The following ASTL variants were observed in gnomAD, a reference collection of about 807,000 sequenced individuals.
ASTL encodes astacin like metalloendopeptidase.
In ASTL, 27 loss-of-function variants were observed where a neutral mutation model predicts 36.7. The ratio of observed to expected loss-of-function variants is 0.73; its 90% CI spans 0.54 to 1.01. ASTL has a LOEUF of 1.01. ASTL is among the 50% of genes least tolerant of loss of function. The probability of loss-of-function intolerance (pLI) is 0.00; values close to 1 mark genes in which losing one functional copy is unlikely to be tolerated. For missense variants in ASTL, 524 were observed against 572.8 expected (o/e 0.91, Z 0.87); for synonymous variants, 222 against 228.1 (o/e 0.97, Z 0.24).
rs1253630064 is a variant in ASTL, at chr2:96,123,664, C to A, written c.*186G>T. The stretch of plus-strand genomic sequence containing the variant: ...TCCCCTGTGGCAGAGCTAGAAGAAC[C>A]CCTGGCCCTAGGAGCCCTTAGGGGA... On this transcript the variant is annotated 3_prime_UTR_variant, in exon 9 of 9. Transcript: ENST00000342380. Among the ~76,000 whole-genome samples the A allele has an allele frequency of 6.6e-6, 1 of 152,176 alleles. No individual in the cohort carries two copies. The highest frequency in any genetic ancestry group is 2.4e-5 in the African/African-American group (1 of 41,430).
chr2:96,124,348 G>A lies in ASTL; in HGVS notation c.875-77C>T. 7.4e-7 allele frequency: 1 copy of A among 1,353,774 alleles called. No individual in the cohort carries two copies. Among genetic ancestry groups the A allele is most frequent in the Non-Finnish European group, 9.7e-7 (1 of 1,030,516 alleles). 83.9% of individuals were successfully genotyped at this position (1,353,774 alleles called of 1,614,324 possible). A position where few individuals can be genotyped will look rare whatever the true frequency, so the allele number is the denominator to read the frequency against. ...GGCCCAGCTGTGCGGACCCAGAGCT[G>A]GCTCAGCTCACAGGAGTGGTGCCCA... On this transcript the variant is annotated intron_variant, in intron 8 of 8. Coordinates refer to ENST00000342380, the MANE Select transcript of ASTL (RefSeq NM_001002036.4). This position sits in a 1 kb window ranked among gnomAD's most constrained non-coding sequence, Gnocchi z 4.1.
rs1682211753 is a variant in ASTL, at chr2:96,132,818, A to G, written c.456-97T>C. 1 of 1,168,792 alleles carries G rather than the reference A, an allele frequency of 8.6e-7. No homozygotes were observed. The highest frequency in any genetic ancestry group is 1.2e-6 in the Non-Finnish European group (1 of 841,868). 72.4% of individuals were successfully genotyped at this position (1,168,792 alleles called of 1,614,324 possible). A position where few individuals can be genotyped will look rare whatever the true frequency, so the allele number is the denominator to read the frequency against. ...CCTCCCCACACAACACAAGATAGACAAACTCCCAACAGGCAGGCCCCACTC... is the reference window on the plus strand; with the variant it reads ...CCTCCCCACACAACACAAGATAGACGAACTCCCAACAGGCAGGCCCCACTC... On this transcript the variant is annotated intron_variant, in intron 5 of 8. Coordinates refer to ENST00000342380, the MANE Select transcript of ASTL (RefSeq NM_001002036.4). This position sits in a 1 kb window ranked among gnomAD's most constrained non-coding sequence, Gnocchi z 5.4.
Position 96,123,979 on chromosome 2 carries a change from G to A in ASTL, c.1167C>T (p.Ala389=), listed in dbSNP as rs563654187. The A allele has an allele frequency of 9.3e-6, 15 of 1,614,004 alleles. No individual in the cohort carries two copies. Among genetic ancestry groups the A allele is most frequent in the South Asian group, 4.4e-5 (4 of 91,082 alleles). ...GGACTGTGGGCTTGGTGGACACTCC[G>A]GCCAGCCAGGACTGCTCCTGAGCAA... ...PGVAQEQSWL[A]GVSTKPTVPS... Residue 389 remains alanine, a synonymous_variant, in exon 9 of 9, where the codon GCC becomes GCT. Transcript: ENST00000342380.
chr2:96,137,822 G>T, intron 1 of ASTL, 122 bp from the exon 2 acceptor site: 2 of 1,027,100 alleles, frequency 1.9e-6, no homozygotes, highest in Non-Finnish European at 2.8e-6. Context: ...GGAAGAGTAG[G>T]CTCCAGCACA....
intron 8 of ASTL, among the ~76,000 whole-genome samples, chr2:96,126,056 C>G (rs1014044739): frequency 1.3e-5 from 2 of 152,092 alleles, no homozygotes; most frequent in African/African-American, 4.8e-5. Context: ...GGTCATATAC[C>G]TAAATGTAAA....
rs768427990 is a variant in ASTL, at chr2:96,124,223, G to A, written c.923C>T (p.Ser308Phe). ...TGRSPAPASL[S>F]LQRLLEALSA... is the part of the protein sequence containing the mutation. ...CAGTGCCTCCAAAAGCCGCTGCAGAGATAGGGAGGCCGGAGCGGGGCTCCT... is the reference window on the plus strand; with the variant it reads ...CAGTGCCTCCAAAAGCCGCTGCAGAAATAGGGAGGCCGGAGCGGGGCTCCT... The change falls in exon 9 of 9, where the codon TCT becomes TTT. Residue 308 changes from serine to phenylalanine, a missense_variant. Ser to Phe is a radical substitution (Grantham distance 155). Transcript: ENST00000342380. The surrounding 1 kb of genome is among the most constrained non-coding windows in gnomAD (Gnocchi z 4.1). The A allele has an allele frequency of 6.6e-7, 1 of 1,518,300 alleles. No individual in the cohort carries two copies. Among genetic ancestry groups the A allele is most frequent in the Non-Finnish European group, 8.8e-7 (1 of 1,135,162 alleles). 94.1% of individuals were successfully genotyped at this position (1,518,300 alleles called of 1,614,324 possible). A position where few individuals can be genotyped will look rare whatever the true frequency, so the allele number is the denominator to read the frequency against.
In ASTL at chr2:96,134,052, A is replaced by T. The variant is rs1336533794; in HGVS notation, c.250T>A (p.Phe84Ile). Residue 84 changes from phenylalanine (F) to isoleucine (I), a missense_variant, in exon 4 of 9, where the codon TTC (phenylalanine) becomes ATC (isoleucine). Coordinates refer to ENST00000342380, the MANE Select transcript of ASTL (RefSeq NM_001002036.4). Reference protein sequence around the residue: ...IEGDIIRPSPFRLLSATSNKW... With the variant: ...IEGDIIRPSPIRLLSATSNKW... ...TTGCTGGTTGCTGACAGCAGTCGGA[A>T]GGGACTCTGAGGAGAGAGCAGCAGT... The T allele has an allele frequency of 3.7e-6, 6 of 1,612,476 alleles. No homozygotes were observed. The highest frequency in any genetic ancestry group is 1.7e-5 in the Admixed American group (1 of 60,000).
intron 8 of ASTL, 71 bp downstream of exon 8, chr2:96,129,753 A>G: frequency 7.0e-7 from 1 of 1,419,918 alleles, no homozygotes; most frequent in Non-Finnish European, 9.4e-7. Context: ...CCTCCTTGTC[A>G]CCCTCCCTGA....
intron 5 of ASTL, 67 bp downstream of exon 5, chr2:96,133,358 T>C: frequency 8.9e-7 from 1 of 1,126,242 alleles, no homozygotes; most frequent in Non-Finnish European, 1.4e-6. Context: ...TTTTAGACAA[T>C]GGCCAAGTTA....
chr2:96,132,458 C>G lies in ASTL; in HGVS notation c.637+82G>C. On this transcript the variant is annotated intron_variant, in intron 6 of 8. Coordinates refer to ENST00000342380, the MANE Select transcript of ASTL (RefSeq NM_001002036.4). The surrounding 1 kb of genome is among the most constrained non-coding windows in gnomAD (Gnocchi z 5.4). ...GTGATGGGGAGGATGGATAGCCTCA[C>G]CCATGGGGACCAGGCGACTTGGGCC... The G allele has an allele frequency of 1.5e-6, 2 of 1,323,880 alleles. No homozygotes were observed. The highest frequency in any genetic ancestry group is 2.9e-5 in the South Asian group (2 of 70,110). The allele number at this position is 1,323,880 out of a possible 1,614,324, so 82.0% of individuals were successfully genotyped here.
chr2:96,132,645 C>A lies in ASTL; in HGVS notation c.532G>T (p.Gly178Cys). The A allele has an allele frequency of 6.2e-7, 1 of 1,613,682 alleles. No individual in the cohort carries two copies. The highest frequency in any genetic ancestry group is 8.5e-7 in the Non-Finnish European group (1 of 1,179,830). The change falls in exon 6 of 9, where the codon GGC (glycine) becomes TGC (cysteine). Residue 178 changes from glycine (G) to cysteine (C), a missense_variant. Coordinates refer to ENST00000342380, the MANE Select transcript of ASTL (RefSeq NM_001002036.4). This position sits in a 1 kb window ranked among gnomAD's most constrained non-coding sequence, Gnocchi z 5.4. ...TGCATGAGCTCATGAAGGACAATGC[C>A]CCGGCCCTTCTGGAGACACGTGGGC... ...LAPTCLQKGR[G>C]IVLHELMHVL... is the part of the protein sequence containing the mutation.
intron 1 of ASTL, 171 bp from the exon 2 acceptor site, chr2:96,137,871 A>G: frequency 6.3e-6 from 4 of 634,274 alleles, no homozygotes; most frequent in Non-Finnish European, 1.1e-5. Context: ...CTCAACCCCA[A>G]CTGGTGCCAA....
At chr2:96,126,461 TCA>T (rs1682065591) in intron 8 of ASTL, among the ~76,000 whole-genome samples, 1 of 152,186 alleles carries the variant, frequency 6.6e-6, no homozygotes, top group Non-Finnish European at 1.5e-5. Context: ...TACTTCACAC[TCA>T]CTAGGCTGGT....
chr2:96,134,556 C>T (rs1039842330), intron 3 of ASTL, among the ~76,000 whole-genome samples: 2 of 152,220 alleles, frequency 1.3e-5, no homozygotes, highest in Admixed American at 6.5e-5. Flanking sequence ...CCAGGCTCCA[C>T]AGCACCCCAG....
Position 96,138,500 on chromosome 2 carries a change from T to C in ASTL, c.-64A>G. 7.1e-7 allele frequency: 1 copy of C among 1,418,256 alleles called. No homozygotes were observed. Among genetic ancestry groups the C allele is most frequent in the Non-Finnish European group, 9.8e-7 (1 of 1,018,410 alleles). 87.9% of individuals were successfully genotyped at this position (1,418,256 alleles called of 1,614,324 possible). ...CCCCAGCAAGACACAGTAACCTAAT[T>C]GCAGAACCGGCACCACCACCCCCTC... On this transcript the variant is annotated 5_prime_UTR_variant, in exon 1 of 9. Coordinates refer to ENST00000342380, the MANE Select transcript of ASTL (RefSeq NM_001002036.4).
In ASTL at chr2:96,132,601, G is replaced by C. The variant is rs375008194; in HGVS notation, c.576C>G (p.His192Gln). The change falls in exon 6 of 9, where the codon CAC (histidine) becomes CAG (glutamine). Residue 192 changes from histidine (H) to glutamine (Q), a missense_variant. Physicochemically the swap from His to Gln is conservative, Grantham distance 24. Transcript: ENST00000342380. The surrounding 1 kb of genome is among the most constrained non-coding windows in gnomAD (Gnocchi z 5.4). ...HELMHVLGFW[H>Q]EHTRADRDRY... ...GGTCCCGGTCGGCCCGCGTGTGCTC[G>C]TGCCAGAAGCCCAGCACATGCATGA... 13 of 1,612,834 alleles carry C rather than the reference G, an allele frequency of 8.1e-6. No homozygotes were observed. The East Asian group carries it at 8.9e-5, about 11-fold the overall frequency.
At chr2:96,133,589 G>A in intron 4 of ASTL, 47 bp from the exon 5 acceptor site, 1 of 1,364,028 alleles carries the variant, frequency 7.3e-7, no homozygotes, top group Non-Finnish European at 1.1e-6. Flanking sequence ...GGTGGTCTTT[G>A]AGCTCTACCT....
At chr2:96,125,460 T>C (rs898937294) in intron 8 of ASTL, among the ~76,000 whole-genome samples, 11 of 152,104 alleles carry the variant, frequency 7.2e-5, no homozygotes, top group South Asian at 2.1e-4. Flanking sequence ...GCTCCCACCA[T>C]GTGCAGCCTT....
chr2:96,128,187 G>A (rs1429668290), intron 8 of ASTL, among the ~76,000 whole-genome samples: 2 of 150,332 alleles, frequency 1.3e-5, no homozygotes, highest in East Asian at 2.0e-4. Flanking sequence ...AGCCAAGATC[G>A]TGCCATTGCA....
Sources: gnomAD v4.1 joint callset for allele counts (sites outside exome capture counted in the v4.1 genomes callset) on GRCh38, gnomAD v4.1.1 for gene constraint, Gnocchi (gnomAD v3.1) non-coding constraint, MANE v1.5 for transcripts, NCBI Gene and HGNC (gene_info 2026-07-23, HGNC 2026-07-21) for gene names.